Variants in PHC2 observed in about 807,000 individuals in gnomAD.
PHC2 encodes polyhomeotic homolog 2.
A neutral mutation model predicts 87.4 loss-of-function variants in PHC2; 29 were observed. The observed-to-expected ratio is 0.33, with a 90% CI of 0.25 to 0.45. The LOEUF is 0.45. Ranked by LOEUF, PHC2 falls within the 20% of genes least tolerant of loss-of-function variation. The pLI is 1.00. For synonymous variants in PHC2, 438 were observed against 461.7 expected (o/e 0.95, Z 0.66); for missense variants, 857 against 1,136.7 (o/e 0.75, Z 3.54).
At chr1:33,363,738 TG>T (rs1647272936) in intron 7 of PHC2, 2 of 985,166 alleles carry the variant, frequency 2.0e-6, no homozygotes, top group Non-Finnish European at 2.4e-6. Context: ...TCCTCACCTT[TG>T]GGCCTGAGTG....
chr1:33,414,832 T>C (rs1373493659), intron 1 of PHC2, among the ~76,000 whole-genome samples: 2 of 152,320 alleles, frequency 1.3e-5, no homozygotes, highest in East Asian at 1.9e-4. Flanking sequence ...AGAATTTCTT[T>C]AAAGAAAGGA....
rs577550081 is a variant in PHC2, at chr1:33,334,963, T to C, written c.1559-671A>G. Among the ~76,000 whole-genome samples the C allele has an allele frequency of 3.2e-3, 488 of 152,314 alleles. 4 individuals carry two copies. Among genetic ancestry groups the C allele is most frequent in the Non-Finnish European group, 4.9e-3 (336 of 68,030 alleles). On this transcript the variant is annotated intron_variant, in intron 9 of 14. Transcript: ENST00000683057. The surrounding 1 kb of genome is among the most constrained non-coding windows in gnomAD (Gnocchi z 5.5). ...AGGCTGCTAGGCAGAGGCTGAGATTTTCTCTGCTGTTTCTGCTGAGCTGAG... is the reference window on the plus strand; with the variant it reads ...AGGCTGCTAGGCAGAGGCTGAGATTCTCTCTGCTGTTTCTGCTGAGCTGAG...
chr1:33,375,310 T>G, intron 2 of PHC2, 56 bp downstream of exon 2: 1 of 1,388,890 alleles, frequency 7.2e-7, no homozygotes, highest in Non-Finnish European at 9.6e-7. Context: ...CACCTCCTCC[T>G]TGCTAGCCCT....
chr1:33,374,891 A>T (rs1213182197), intron 2 of PHC2, among the ~76,000 whole-genome samples: 2 of 152,230 alleles, frequency 1.3e-5, no homozygotes, highest in Non-Finnish European at 2.9e-5. Flanking sequence ...ATGGTAGTGC[A>T]TGGCCCTGAC....
chr1:33,330,330 T>C, intron 12 of PHC2, 118 bp from the exon 13 acceptor site: 1 of 1,043,722 alleles, frequency 9.6e-7, no homozygotes, highest in Non-Finnish European at 1.4e-6. Context: ...GTTCAGATCC[T>C]AACTCCATCA....
In PHC2 at chr1:33,331,843, G is replaced by C. The variant is rs532925222; in HGVS notation, c.1892-381C>G. ...ATCTATGCAGCTGGCTGCTGACCCAGTAAAAGACCTCAGGAGCCCACGCTC... is the reference window on the plus strand; with the variant it reads ...ATCTATGCAGCTGGCTGCTGACCCACTAAAAGACCTCAGGAGCCCACGCTC... On this transcript the variant is annotated intron_variant, in intron 11 of 14. Coordinates refer to ENST00000683057, the MANE Select transcript of PHC2 (RefSeq NM_001385109.1). The surrounding 1 kb of genome is among the most constrained non-coding windows in gnomAD (Gnocchi z 5.2). 1 of 289,998 alleles carries C rather than the reference G, an allele frequency of 3.4e-6. No homozygotes were observed. Among genetic ancestry groups the C allele is most frequent in the African/African-American group, 2.1e-5 (1 of 46,550 alleles). 18.0% of individuals were successfully genotyped at this position (289,998 alleles called of 1,614,324 possible). A position where few individuals can be genotyped will look rare whatever the true frequency, so the allele number is the denominator to read the frequency against.
chr1:33,347,624 C>T, intron 9 of PHC2: 1 of 985,462 alleles, frequency 1.0e-6, no homozygotes, highest in Non-Finnish European at 1.2e-6. Context: ...AACTGAGAAA[C>T]CGACTCAAGT....
intron 1 of PHC2, among the ~76,000 whole-genome samples, chr1:33,406,967 T>C (rs532097204): frequency 3.7e-4 from 56 of 152,348 alleles, no homozygotes; most frequent in Middle Eastern, 3.4e-3. Context: ...ATATGATCTA[T>C]CATTTTCTCT....
chr1:33,332,227 T>G lies in PHC2; in HGVS notation c.1891+48A>C. On this transcript the variant is annotated intron_variant, in intron 11 of 14. Coordinates refer to ENST00000683057, the MANE Select transcript of PHC2 (RefSeq NM_001385109.1). The surrounding 1 kb of genome is among the most constrained non-coding windows in gnomAD (Gnocchi z 4.2). ...GAGAGGAAGTGTGTGAGGCCTGCCT[T>G]TCCAGCCACGCTGGGAGGCCGAGAG... is the stretch of plus-strand genomic sequence containing the variant. 6.2e-7 allele frequency: 1 copy of G among 1,612,166 alleles called. No individual in the cohort carries two copies. Among genetic ancestry groups the G allele is most frequent in the Non-Finnish European group, 8.5e-7 (1 of 1,178,454 alleles).
chr1:33,353,934 G>C (rs1557829454), intron 9 of PHC2, among the ~76,000 whole-genome samples: 1 of 152,220 alleles, frequency 6.6e-6, no homozygotes, highest in Non-Finnish European at 1.5e-5. Flanking sequence ...GTTTTCCTCA[G>C]AGATGCTTCC....
chr1:33,342,578 T>C lies in PHC2; in HGVS notation c.1559-8286A>G, dbSNP rs755784241. 2.1e-5 allele frequency among the ~76,000 whole-genome samples: 3 copies of C among 145,320 alleles called. No individual in the cohort carries two copies. In the South Asian group the frequency reaches 6.9e-4, roughly 33 times the overall value. On this transcript the variant is annotated intron_variant, in intron 9 of 14. Coordinates refer to ENST00000683057, the MANE Select transcript of PHC2 (RefSeq NM_001385109.1). Reference sequence around the variant, plus strand: ...CAGTGGGGGATTTCCAAACAGCTGCTTGAACGCTTCCCAGCCCACAGGCTG... The same window carrying C: ...CAGTGGGGGATTTCCAAACAGCTGCCTGAACGCTTCCCAGCCCACAGGCTG...
intron 1 of PHC2, among the ~76,000 whole-genome samples, chr1:33,403,779 T>C (rs2148380940): frequency 6.6e-6 from 1 of 152,328 alleles, no homozygotes; most frequent in Non-Finnish European, 1.5e-5. Flanking sequence ...TCTCATTTTC[T>C]TTGGTGTCTC....
chr1:33,430,435 G>T (rs1183912246), intron 1 of PHC2, among the ~76,000 whole-genome samples: 1 of 152,208 alleles, frequency 6.6e-6, no homozygotes, highest in Admixed American at 6.5e-5. Flanking sequence ...AAGTGCCAGC[G>T]GCTGCGCTGT....
chr1:33,368,560 G>A lies in PHC2; in HGVS notation c.639C>T (p.Pro213=), dbSNP rs922942582. 11 of 1,545,278 alleles carry A rather than the reference G, an allele frequency of 7.1e-6. No homozygotes were observed. The highest frequency in any genetic ancestry group is 2.7e-5 in the African/African-American group (2 of 72,936). ...TVQPELGTGS[P]ARPPTPAQVQ... is the part of the protein sequence containing the mutation. Reference sequence around the variant, plus strand: ...CCTGGGCGGGGGTGGGGGGCCGGGCGGGGGAGCCAGTGCCGAGCTCAGGCT... The same window carrying A: ...CCTGGGCGGGGGTGGGGGGCCGGGCAGGGGAGCCAGTGCCGAGCTCAGGCT... The change falls in exon 6 of 15, where the codon CCC becomes CCT. Residue 213 remains proline, a synonymous_variant. Transcript: ENST00000683057. The surrounding 1 kb of genome is among the most constrained non-coding windows in gnomAD (Gnocchi z 6.6).
At chr1:33,421,279 A>C (rs1650425719) in intron 1 of PHC2, among the ~76,000 whole-genome samples, 1 of 152,192 alleles carries the variant, frequency 6.6e-6, no homozygotes, top group South Asian at 2.1e-4. Flanking sequence ...GGAAAAGAGG[A>C]ATAAAGACGG....
intron 2 of PHC2, among the ~76,000 whole-genome samples, chr1:33,372,866 C>G (rs1368855350): frequency 6.6e-6 from 1 of 152,176 alleles, no homozygotes; most frequent in Non-Finnish European, 1.5e-5. Context: ...CTCAATAAGG[C>G]AGGGAAAAGA....
chr1:33,411,698 C>T (rs1233802164), intron 1 of PHC2, among the ~76,000 whole-genome samples: 3 of 152,026 alleles, frequency 2.0e-5, no homozygotes, highest in Admixed American at 6.6e-5. Context: ...GTAGCTGGGA[C>T]TAGAGGTGCG....
chr1:33,415,129 G>T (rs1239151246), intron 1 of PHC2, among the ~76,000 whole-genome samples: 2 of 152,192 alleles, frequency 1.3e-5, no homozygotes, highest in Admixed American at 6.5e-5. Context: ...GAGTCGAGGT[G>T]ACTGAGATTA....
chr1:33,398,996 G>T (rs75829813), intron 1 of PHC2, among the ~76,000 whole-genome samples: 1 of 152,262 alleles, frequency 6.6e-6, no homozygotes, highest in East Asian at 1.9e-4. Flanking sequence ...AGAGTTCAAG[G>T]AGTTTTACAG....
Sources: allele counts gnomAD v4.1 joint callset (sites outside exome capture counted in the v4.1 genomes callset), GRCh38; gene constraint gnomAD v4.1.1; non-coding constraint Gnocchi (gnomAD v3.1); transcripts MANE v1.5; gene names NCBI Gene and HGNC (gene_info 2026-07-23, HGNC 2026-07-21).